Variants in RBFOX1 observed in about 807,000 individuals in gnomAD.
The protein encoded by RBFOX1 is RNA binding protein fox-1 homolog 1.
A neutral mutation model predicts 57.7 loss-of-function variants in RBFOX1; 8 were observed. The ratio of observed to expected loss-of-function variants is 0.14; its 90% CI spans 0.08 to 0.25. The LOEUF is 0.25. RBFOX1 is among the 10% of genes least tolerant of loss of function. The pLI is 1.00. For missense variants in RBFOX1, 611 were observed against 548.5 expected, an observed-to-expected ratio of 1.11 and a Z score of -1.14; for synonymous variants, 326 against 222.4, an observed-to-expected ratio of 1.47 and a Z score of -4.15.
At chr16:5,856,249 ATG>A (rs1178229771) in intron 3 of RBFOX1, among the ~76,000 whole-genome samples, 2 of 45,638 alleles carry the variant, frequency 4.4e-5, no homozygotes, top group African/African-American at 8.0e-5. Flanking sequence ...GTGTATATAT[ATG>A]TATATATATG....
rs915589107 is a variant in RBFOX1, at chr16:7,363,763, C to T, written c.28-154384C>T. ...GAGCATTTAATGATTCTTCTATAGACGTTTGAGTAGCTGTGTTTTGGTTTC... is the reference window on the plus strand; with the variant it reads ...GAGCATTTAATGATTCTTCTATAGATGTTTGAGTAGCTGTGTTTTGGTTTC... On this transcript the variant is annotated intron_variant, in intron 4 of 15. Coordinates refer to ENST00000550418, the MANE Select transcript of RBFOX1 (RefSeq NM_018723.4). 2.6e-5 allele frequency among the ~76,000 whole-genome samples: 4 copies of T among 152,178 alleles called. No homozygotes were observed. The South Asian group carries it at 6.2e-4, about 24-fold the overall frequency.
At chr16:6,637,170 T>A (rs62652896) in intron 2 of RBFOX1, among the ~76,000 whole-genome samples, 40,021 of 53,994 alleles carry the variant, frequency 0.74, 15,654 homozygotes, top group South Asian at 0.88. Flanking sequence ...TTATATATTA[T>A]ATATATTATA....
At chr16:7,628,048 T>C (rs1291663190) in intron 10 of RBFOX1, among the ~76,000 whole-genome samples, 1 of 152,034 alleles carries the variant, frequency 6.6e-6, no homozygotes, top group Non-Finnish European at 1.5e-5. Context: ...CAGGCAAAAA[T>C]CTGTGCTGTG....
At chr16:6,099,017 C>T (rs780469709) in intron 1 of RBFOX1, among the ~76,000 whole-genome samples, 5 of 152,100 alleles carry the variant, frequency 3.3e-5, no homozygotes, top group Admixed American at 6.6e-5. Flanking sequence ...GCTGGGTAGT[C>T]GAGTTCCTGG....
At chr16:6,975,658 G>T (rs988925982) in intron 3 of RBFOX1, among the ~76,000 whole-genome samples, 2 of 152,316 alleles carry the variant, frequency 1.3e-5, no homozygotes, top group South Asian at 2.1e-4. Context: ...CACATGATCA[G>T]AATTTCAGCC....
At chr16:7,550,293 G>A (rs577164948) in intron 5 of RBFOX1, among the ~76,000 whole-genome samples, 12 of 151,848 alleles carry the variant, frequency 7.9e-5, no homozygotes, top group African/African-American at 1.9e-4. Flanking sequence ...CTTGAGTTCC[G>A]GAGAAGGGAA....
intron 3 of RBFOX1, among the ~76,000 whole-genome samples, chr16:5,691,299 A>G (rs983878922): frequency 2.0e-4 from 31 of 152,318 alleles, no homozygotes; most frequent in African/African-American, 7.2e-4. Flanking sequence ...TGTATGCGGT[A>G]CATAAGACCC....
chr16:7,412,700 A>G (rs1204736430), intron 4 of RBFOX1, among the ~76,000 whole-genome samples: 4 of 152,222 alleles, frequency 2.6e-5, no homozygotes, highest in Non-Finnish European at 5.9e-5. Flanking sequence ...AACAGCATAA[A>G]CAAATTTGTA....
intron 2 of RBFOX1, among the ~76,000 whole-genome samples, chr16:6,563,415 C>A (rs2097210896): frequency 6.6e-6 from 1 of 152,094 alleles, no homozygotes; most frequent in African/African-American, 2.4e-5. Flanking sequence ...AAACTGGGAT[C>A]CCCCCTAGAT....
intron 1 of RBFOX1, among the ~76,000 whole-genome samples, chr16:5,409,161 G>A (rs2066944794): frequency 6.6e-6 from 1 of 152,224 alleles, no homozygotes; most frequent in South Asian, 2.1e-4. Context: ...GCAGTAGTTG[G>A]CATAGTCCTC....
At chr16:6,978,734 G>A (rs1037470095) in intron 3 of RBFOX1, among the ~76,000 whole-genome samples, 1 of 152,226 alleles carries the variant, frequency 6.6e-6, no homozygotes, top group Non-Finnish European at 1.5e-5. Flanking sequence ...AGTAAGTTTG[G>A]AAGAAGGATT....
At chr16:6,722,907 T>G (rs112716325) in intron 3 of RBFOX1, among the ~76,000 whole-genome samples, 198 of 151,828 alleles carry the variant, frequency 1.3e-3, no homozygotes, top group African/African-American at 4.5e-3. Context: ...TGGGGTAGAG[T>G]GAATATTTGT....
chr16:7,614,368 A>G (rs1180100160), intron 10 of RBFOX1: 1 of 152,024 alleles, frequency 6.6e-6, no homozygotes, highest in Non-Finnish European at 1.5e-5. Flanking sequence ...CTTCTGTCTT[A>G]TCAGATTTTA....
chr16:6,019,273 T>C lies in RBFOX1; in HGVS notation c.-846T>C. The C allele has an allele frequency of 1.0e-6, 1 of 984,800 alleles. No individual in the cohort carries two copies. The highest frequency in any genetic ancestry group is 1.2e-6 in the Non-Finnish European group (1 of 829,900). The allele number at this position is 984,800 out of a possible 1,614,324, so 61.0% of individuals were successfully genotyped here. On this transcript the variant is annotated 5_prime_UTR_variant, in exon 1 of 16. Coordinates refer to ENST00000550418, the MANE Select transcript of RBFOX1 (RefSeq NM_018723.4). The surrounding 1 kb of genome is among the most constrained non-coding windows in gnomAD (Gnocchi z 4.2). The stretch of plus-strand genomic sequence containing the variant: ...TCGATCACCCCAGCCCCCTTCCTGG[T>C]CTCCCGAGCGCGGGGTTTGAAGGTC...
At chr16:7,201,622 C>G (rs1409409740) in intron 4 of RBFOX1, among the ~76,000 whole-genome samples, 1 of 152,080 alleles carries the variant, frequency 6.6e-6, no homozygotes, top group African/African-American at 2.4e-5. Flanking sequence ...AACACCACGC[C>G]TGGCTAATTT....
rs186236356 is a variant in RBFOX1 at position 6,078,482 on chromosome 16, C to G, written c.-127+58490C>G. ...TGTATGACCTGAGACACTTCTTCTT[C>G]CGCCGTGGCTCAGGGAAGCCAAAAG... On this transcript the variant is annotated intron_variant, in intron 1 of 15. Coordinates refer to ENST00000550418, the MANE Select transcript of RBFOX1 (RefSeq NM_018723.4). Among the ~76,000 whole-genome samples, 148 of 152,192 alleles carry G rather than the reference C, an allele frequency of 9.7e-4. 1 individual carries two copies. Among genetic ancestry groups the G allele is most frequent in the African/African-American group, 3.2e-3 (133 of 41,534 alleles).
Position 7,140,157 on chromosome 16 carries a change from C to CCA in RBFOX1, c.27+88060_27+88061insAC, listed in dbSNP as rs1337651557. Among the ~76,000 whole-genome samples the CCA allele has an allele frequency of 1.1e-3, 79 of 70,888 alleles. 2 individuals carry two copies. The highest frequency in any genetic ancestry group is 8.3e-3 in the East Asian group (24 of 2,892). The allele number at this position is 70,888 out of a possible 152,430, so 46.5% of individuals were successfully genotyped here. A position where few individuals can be genotyped will look rare whatever the true frequency, so the allele number is the denominator to read the frequency against. ...CATTCTCTTATTCTCTCCTTCTCTC[C>CCA]CTCTCTCTCTCTCTCTCTCTCTCTC... On this transcript the variant is annotated intron_variant, in intron 4 of 15. Transcript: ENST00000550418.
chr16:6,474,994 G>A (rs1670526816), intron 2 of RBFOX1, among the ~76,000 whole-genome samples: 1 of 152,202 alleles, frequency 6.6e-6, no homozygotes. Flanking sequence ...AGCACAAAGT[G>A]TTCATGATAC....
At chr16:6,223,165 G>T (rs989414433) in intron 1 of RBFOX1, among the ~76,000 whole-genome samples, 6 of 150,612 alleles carry the variant, frequency 4.0e-5, no homozygotes, top group African/African-American at 1.5e-4. Context: ...AAACATACGT[G>T]TGCATGTGTC....
Sources: allele counts gnomAD v4.1 joint callset (sites outside exome capture counted in the v4.1 genomes callset), GRCh38; gene constraint gnomAD v4.1.1; non-coding constraint Gnocchi (gnomAD v3.1); transcripts MANE v1.5; gene names NCBI Gene and HGNC (gene_info 2026-07-23, HGNC 2026-07-21).